Variants in LARP4B observed in about 807,000 individuals in gnomAD.
LARP4B encodes the protein la-related protein 4B.
A neutral mutation model predicts 89.8 loss-of-function variants in LARP4B; 12 were observed. The ratio of observed to expected loss-of-function variants is 0.13; its 90% CI spans 0.09 to 0.22. LARP4B has a LOEUF of 0.22. LARP4B is among the 10% of genes least tolerant of loss of function. The pLI is 1.00. For synonymous variants in LARP4B, 367 were observed against 363.3 expected (o/e 1.01, Z -0.12); for missense variants, 757 against 947.7 (o/e 0.80, Z 2.64).
At chr10:842,030 AC>A (rs1322276294) in intron 7 of LARP4B, among the ~76,000 whole-genome samples, 1 of 152,108 alleles carries the variant, frequency 6.6e-6, no homozygotes, top group African/African-American at 2.4e-5. Context: ...GCCAGGGACA[AC>A]GTGAAAACCC....
chr10:945,624 C>G, the LARP4B span, among the ~76,000 whole-genome samples: 2 of 149,144 alleles, frequency 1.3e-5, no homozygotes, highest in Admixed American at 1.3e-4. Flanking sequence ...GGAGGCGGAG[C>G]TTGCAGTGAG....
At chr10:939,277 G>A in the LARP4B span, among the ~76,000 whole-genome samples, 1 of 152,234 alleles carries the variant, frequency 6.6e-6, no homozygotes. Context: ...TGGCACAGGA[G>A]GGAGCAGCCA....
chr10:929,394 A>G lies in LARP4B; in HGVS notation c.-40+2034T>C, dbSNP rs188210254. The stretch of plus-strand genomic sequence containing the variant: ...TGGATCACTTGAGGCCAGGAGTTCG[A>G]GACCAGCCTGGGCAACATGCTGAAA... On this transcript the variant is annotated intron_variant, in intron 1 of 17. Coordinates refer to ENST00000316157, the MANE Select transcript of LARP4B (RefSeq NM_015155.3). 2.8e-3 allele frequency among the ~76,000 whole-genome samples: 430 copies of G among 152,334 alleles called. 5 individuals are homozygous for G. The highest frequency in any genetic ancestry group is 0.01 in the African/African-American group (416 of 41,564).
the LARP4B span, among the ~76,000 whole-genome samples, chr10:970,064 A>T: frequency 6.6e-6 from 1 of 152,188 alleles, no homozygotes; most frequent in Non-Finnish European, 1.5e-5. Context: ...TCGGGCAGTG[A>T]CTGGGAACTA....
intron 7 of LARP4B, 27 bp from the exon 8 acceptor site, chr10:836,533 G>A (rs940495510): frequency 7.1e-7 from 1 of 1,399,144 alleles, no homozygotes; most frequent in Non-Finnish European, 1.0e-6. Context: ...AATCAATGGT[G>A]AAACAAAAAT....
upstream of LARP4B, among the ~76,000 whole-genome samples, chr10:936,178 G>A (rs1024104003): frequency 1.3e-5 from 2 of 152,052 alleles, no homozygotes; most frequent in Admixed American, 6.6e-5. Context: ...GTACCTACGC[G>A]GTCTCAGGGA....
intron 1 of LARP4B, among the ~76,000 whole-genome samples, chr10:922,933 G>C (rs1837024271): frequency 6.6e-6 from 1 of 151,986 alleles, no homozygotes; most frequent in Non-Finnish European, 1.5e-5. Flanking sequence ...AAATCAGCTG[G>C]GCGTGGTGGC....
intron 3 of LARP4B, among the ~76,000 whole-genome samples, chr10:880,745 T>C (rs925017031): frequency 6.6e-6 from 1 of 152,074 alleles, no homozygotes; most frequent in African/African-American, 2.4e-5. Context: ...TAGAGTTTAG[T>C]ATGAGGATGA....
the LARP4B span, chr10:988,235 C>G: frequency 8.3e-6 from 4 of 483,022 alleles, no homozygotes; most frequent in East Asian, 7.1e-5. Context: ...CCGCGCTCCC[C>G]CTAAAACCCG....
chr10:982,186 G>A, the LARP4B span, among the ~76,000 whole-genome samples: 1 of 143,286 alleles, frequency 7.0e-6, no homozygotes, highest in South Asian at 2.2e-4. Flanking sequence ...CACAATCTTG[G>A]CTCACTGCAA....
At chr10:962,010 A>C in the LARP4B span, among the ~76,000 whole-genome samples, 2 of 151,968 alleles carry the variant, frequency 1.3e-5, no homozygotes, top group Non-Finnish European at 2.9e-5. Flanking sequence ...TACCAATCCT[A>C]GGCCGGACAT....
chr10:879,680 A>G (rs886170484), intron 3 of LARP4B, among the ~76,000 whole-genome samples: 1 of 152,040 alleles, frequency 6.6e-6, no homozygotes, highest in Non-Finnish European at 1.5e-5. Context: ...CTTTGTAGAT[A>G]TGGGGTCTTG....
At chr10:838,382 G>A (rs1408654095) in intron 7 of LARP4B, among the ~76,000 whole-genome samples, 1 of 152,110 alleles carries the variant, frequency 6.6e-6, no homozygotes, top group Non-Finnish European at 1.5e-5. Flanking sequence ...ATAAAGGACT[G>A]TTAACATCAA....
the LARP4B span, among the ~76,000 whole-genome samples, chr10:968,845 G>C: frequency 6.6e-6 from 1 of 152,256 alleles, no homozygotes; most frequent in Admixed American, 6.5e-5. Context: ...GGGCTAGAAA[G>C]AGAATAGGCA....
upstream of LARP4B, among the ~76,000 whole-genome samples, chr10:933,423 G>T (rs553408141): frequency 6.6e-6 from 1 of 152,022 alleles, no homozygotes; most frequent in Admixed American, 6.6e-5. Flanking sequence ...ATAATTTTTC[G>T]TACTCAGCGT....
At chr10:816,735 T>G (rs1381627623) in intron 15 of LARP4B, among the ~76,000 whole-genome samples, 1 of 152,222 alleles carries the variant, frequency 6.6e-6, no homozygotes, top group Admixed American at 6.5e-5. Context: ...AATCCTGGAA[T>G]GTACTCAATC....
At chr10:866,971 C>T (rs1834932380) in intron 3 of LARP4B, among the ~76,000 whole-genome samples, 1 of 152,166 alleles carries the variant, frequency 6.6e-6, no homozygotes, top group South Asian at 2.1e-4. Flanking sequence ...CAGCACAGTC[C>T]TGAATTCAGT....
At chr10:863,651 C>T in intron 5 of LARP4B, 92 bp downstream of exon 5, 2 of 1,312,692 alleles carry the variant, frequency 1.5e-6, no homozygotes, top group South Asian at 1.5e-5. Context: ...AAAGAAAGAC[C>T]CATTGTGTAG....
chr10:861,463 T>G (rs542719347), intron 5 of LARP4B, among the ~76,000 whole-genome samples: 9 of 152,262 alleles, frequency 5.9e-5, no homozygotes, highest in Admixed American at 1.3e-4. Context: ...TGGAGGCAGA[T>G]GAAGGAGGAA....
Sources: gnomAD v4.1 joint callset for allele counts (sites outside exome capture counted in the v4.1 genomes callset) on GRCh38, gnomAD v4.1.1 for gene constraint, MANE v1.5 for transcripts, NCBI Gene and HGNC (gene_info 2026-07-23, HGNC 2026-07-21) for gene names.